HERC3: variants seen among roughly 807,000 people sequenced by gnomAD.
The protein encoded by HERC3 is HECT and RLD domain containing E3 ubiquitin protein ligase 3, also known as probable E3 ubiquitin-protein ligase HERC3.
A neutral mutation model predicts 129.9 loss-of-function variants in HERC3; 58 were observed. The observed-to-expected ratio is 0.45, with a 90% CI of 0.36 to 0.56. The LOEUF is 0.56. Among genes scored for constraint, HERC3 ranks in the 20% least tolerant of loss-of-function variants. The pLI, the probability that HERC3 is intolerant of heterozygous loss-of-function variation, is 0.00. For synonymous variants in HERC3, 430 were observed against 451.0 expected, an observed-to-expected ratio of 0.95 and a Z score of 0.59; for missense variants, 835 against 1,244.2, an observed-to-expected ratio of 0.67 and a Z score of 4.95.
chr4:88,690,283 A>G lies in HERC3; in HGVS notation c.2657+2984A>G, dbSNP rs112011141. The G allele has an allele frequency of 3.4e-3, 3,299 of 980,828 alleles. 93 individuals are homozygous for G. In the African/African-American group the frequency reaches 0.055, roughly 16 times the overall value. 60.8% of individuals were successfully genotyped at this position (980,828 alleles called of 1,614,324 possible). On this transcript the variant is annotated intron_variant, in intron 23 of 25. Transcript: ENST00000402738. ...GCTTTTTATTCCATATAGTCAGATA[A>G]TGTTTTTAGAATTGGGAAATTTATG... is the stretch of plus-strand genomic sequence containing the variant.
At chr4:88,539,076 T>C in the HERC3 span, among the ~76,000 whole-genome samples, 10 of 152,220 alleles carry the variant, frequency 6.6e-5, no homozygotes, top group East Asian at 1.7e-3. Context: ...GGTTGGGCAG[T>C]GGGTGCAACA....
intron 2 of HERC3, among the ~76,000 whole-genome samples, chr4:88,603,356 C>T (rs549432089): frequency 2.0e-5 from 3 of 151,932 alleles, no homozygotes; most frequent in South Asian, 2.1e-4. Context: ...TATGGGCACC[C>T]GCCACCACGC....
At chr4:88,599,659 A>G (rs371501137) in intron 2 of HERC3, among the ~76,000 whole-genome samples, 1 of 152,306 alleles carries the variant, frequency 6.6e-6, no homozygotes, top group South Asian at 2.1e-4. Flanking sequence ...TGAGAATTAG[A>G]AATCCTAATA....
At chr4:88,604,146 G>A (rs538238411) in intron 2 of HERC3, among the ~76,000 whole-genome samples, 3 of 151,894 alleles carry the variant, frequency 2.0e-5, no homozygotes, top group Non-Finnish European at 1.5e-5. Flanking sequence ...TCAGCCTCCC[G>A]AGTAGCTGGA....
intron 23 of HERC3, among the ~76,000 whole-genome samples, chr4:88,695,257 G>T (rs1461123554): frequency 2.6e-5 from 4 of 152,224 alleles, no homozygotes; most frequent in African/African-American, 4.8e-5. Flanking sequence ...ACAATCTGTT[G>T]TGATTAGCAA....
At chr4:88,672,309 ATATCT>A (rs1028300492) in intron 16 of HERC3, among the ~76,000 whole-genome samples, 53 of 152,326 alleles carry the variant, frequency 3.5e-4, no homozygotes, top group Admixed American at 2.0e-4. Flanking sequence ...CATTTGATAA[ATATCT>A]TATCAGATCT....
intron 23 of HERC3, among the ~76,000 whole-genome samples, chr4:88,688,074 T>A (rs1453861446): frequency 6.6e-6 from 1 of 152,178 alleles, no homozygotes; most frequent in Non-Finnish European, 1.5e-5. Flanking sequence ...TATGGAATAA[T>A]TGCAATAGAA....
At chr4:88,562,843 C>T in the HERC3 span, among the ~76,000 whole-genome samples, 2 of 152,122 alleles carry the variant, frequency 1.3e-5, no homozygotes, top group Non-Finnish European at 2.9e-5. Context: ...GTTCTCTATT[C>T]TGTTCTATTG....
the HERC3 span, among the ~76,000 whole-genome samples, chr4:88,551,138 G>C: frequency 6.6e-6 from 1 of 151,694 alleles, no homozygotes; most frequent in South Asian, 2.1e-4. Flanking sequence ...ATTAATTCAA[G>C]ATGGATTAAA....
intron 3 of HERC3, among the ~76,000 whole-genome samples, chr4:88,643,819 A>G (rs1728398992): frequency 6.6e-6 from 1 of 152,192 alleles, no homozygotes; most frequent in African/African-American, 2.4e-5. Context: ...AATTCTTCAT[A>G]ACCTGAGGTT....
At chr4:88,531,151 C>A in the HERC3 span, among the ~76,000 whole-genome samples, 1 of 151,872 alleles carries the variant, frequency 6.6e-6, no homozygotes, top group Non-Finnish European at 1.5e-5. Context: ...ACCCACCATG[C>A]CTGGCAGGAA....
At chr4:88,585,272 A>G in the HERC3 span, among the ~76,000 whole-genome samples, 2 of 152,230 alleles carry the variant, frequency 1.3e-5, no homozygotes, top group Non-Finnish European at 2.9e-5. Context: ...TTTAGTGGGG[A>G]CACAAATATT....
At chr4:88,678,330 A>G (rs1732390353) in intron 19 of HERC3, among the ~76,000 whole-genome samples, 196 bp downstream of exon 19, 1 of 152,202 alleles carries the variant, frequency 6.6e-6, no homozygotes, top group African/African-American at 2.4e-5. Context: ...ATGCCAGTGG[A>G]TTATTTGAAA....
In HERC3 at chr4:88,680,212, A is replaced by T. The variant is rs777336897; in HGVS notation, c.2316A>T (p.Ser772=). The change falls in exon 20 of 26, where the codon TCA becomes TCT. Residue 772 remains serine (S), a synonymous_variant. Coordinates refer to ENST00000402738, the MANE Select transcript of HERC3 (RefSeq NM_014606.3). ...IYGMFTYYQD[S]NLLWFSDTCF... Reference sequence around the variant, plus strand: ...GAATGTTTACCTACTATCAAGATTCAAATCTCTTGTGGTTTTCAGACACGG... The same window carrying T: ...GAATGTTTACCTACTATCAAGATTCTAATCTCTTGTGGTTTTCAGACACGG... 3 of 1,608,692 alleles carry T rather than the reference A, an allele frequency of 1.9e-6. No homozygotes were observed. The highest frequency in any genetic ancestry group is 2.2e-5 in the South Asian group (2 of 89,698).
At chr4:88,684,404 G>C (rs982028976) in intron 21 of HERC3, among the ~76,000 whole-genome samples, 6 of 152,178 alleles carry the variant, frequency 3.9e-5, no homozygotes, top group Admixed American at 2.6e-4. Context: ...TGGGAAAACT[G>C]GCTAGGCATA....
At chr4:88,657,977 C>T (rs777975728) in intron 9 of HERC3, among the ~76,000 whole-genome samples, 14 of 152,078 alleles carry the variant, frequency 9.2e-5, no homozygotes, top group South Asian at 4.2e-4. Flanking sequence ...AGAATGTCAC[C>T]GTGGACACAG....
At chr4:88,535,807 A>T in the HERC3 span, among the ~76,000 whole-genome samples, 2 of 152,206 alleles carry the variant, frequency 1.3e-5, no homozygotes, top group African/African-American at 4.8e-5. Flanking sequence ...TTGGCACTTA[A>T]GTTTCCAATA....
intron 16 of HERC3, 122 bp from the exon 17 acceptor site, chr4:88,676,095 TG>T: frequency 1.5e-6 from 1 of 684,760 alleles, no homozygotes; most frequent in South Asian, 1.9e-5. Flanking sequence ...ATTCAAATGG[TG>T]TTAGTTCTAT....
the HERC3 span, among the ~76,000 whole-genome samples, chr4:88,532,908 G>A: frequency 1.3e-5 from 2 of 152,146 alleles, no homozygotes; most frequent in East Asian, 3.8e-4. Context: ...TCTCTAGAGG[G>A]ACAGAACTAA....
Sources: gnomAD v4.1 joint callset for allele counts (sites outside exome capture counted in the v4.1 genomes callset) on GRCh38, gnomAD v4.1.1 for gene constraint, MANE v1.5 for transcripts, NCBI Gene and HGNC (gene_info 2026-07-23, HGNC 2026-07-21) for gene names.